FAM120B: variants seen among roughly 807,000 people sequenced by gnomAD.
The protein encoded by FAM120B is family with sequence similarity 120 member B.
FAM120B carries 83 observed loss-of-function variants against 96.3 expected under a neutral mutation model. That is an observed-to-expected ratio of 0.86 (90% CI 0.72 to 1.03). The LOEUF (loss-of-function observed/expected upper bound fraction) is 1.03, where lower values mean the gene tolerates loss of function less well. Among genes scored for constraint, FAM120B ranks in the 50% least tolerant of loss-of-function variants. FAM120B has a pLI of 0.00. For missense variants in FAM120B, 1,027 were observed against 1,121.2 expected (o/e 0.92, Z 1.20); for synonymous variants, 407 against 402.7 (o/e 1.01, Z -0.13).
intron 4 of FAM120B, among the ~76,000 whole-genome samples, chr6:170,341,454 A>C (rs1786823074): frequency 6.6e-6 from 1 of 152,242 alleles, no homozygotes; most frequent in South Asian, 2.1e-4. Context: ...GGACCCGCTG[A>C]GTGAGACCAC....
At position 170,310,146 on chromosome 6, in the gene FAM120B, G is replaced by A. The variant is rs1784503658; in HGVS notation, c.-22+3304G>A. On this transcript the variant is annotated intron_variant, in intron 1 of 10. Coordinates refer to ENST00000476287, the MANE Select transcript of FAM120B (RefSeq NM_032448.3). ...GCTAATTGTTAGAACTGATTAGAAA[G>A]GTAGTCCGTAGATGATAATAAAAGC... Among the ~76,000 whole-genome samples the A allele has an allele frequency of 2.6e-5, 4 of 152,198 alleles. 1 individual carries two copies. In the South Asian group the frequency reaches 8.3e-4, roughly 32 times the overall value.
intron 6 of FAM120B, among the ~76,000 whole-genome samples, chr6:170,362,656 TA>T (rs776740732): frequency 3.3e-5 from 5 of 151,900 alleles, no homozygotes; most frequent in Non-Finnish European, 7.4e-5. Flanking sequence ...GGTGCAATAA[TA>T]ATAATAATTT....
rs551097910 is a variant in FAM120B at position 170,340,712 on chromosome 6, CTTTG to C, written c.2018-7432_2018-7429del. On this transcript the variant is annotated intron_variant, in intron 4 of 10. Coordinates refer to ENST00000476287, the MANE Select transcript of FAM120B (RefSeq NM_032448.3). The stretch of plus-strand genomic sequence containing the variant: ...CTTTTTGTTAATGTTGATGCTGTTA[CTTTG>C]TTTGTTAGTTTTTCTTCCAACTGGC... 3.4e-3 allele frequency among the ~76,000 whole-genome samples: 524 copies of C among 152,214 alleles called. 2 individuals carry two copies. Among genetic ancestry groups the C allele is most frequent in the African/African-American group, 0.012 (496 of 41,534 alleles).
At chr6:170,362,452 C>T (rs1788518341) in intron 6 of FAM120B, among the ~76,000 whole-genome samples, 1 of 152,206 alleles carries the variant, frequency 6.6e-6, no homozygotes, top group African/African-American at 2.4e-5. Context: ...ACCTGCCACT[C>T]TCCCAGTGTT....
At chr6:170,298,168 A>C (rs1436197360) in intron 1 of FAM120B, 2 of 152,200 alleles carry the variant, frequency 1.3e-5, no homozygotes, top group African/African-American at 4.8e-5. Context: ...CTTCCATTGT[A>C]ATATGAATGG....
chr6:170,346,409 G>A (rs1018307905), intron 4 of FAM120B, among the ~76,000 whole-genome samples: 2 of 152,048 alleles, frequency 1.3e-5, no homozygotes, highest in East Asian at 3.8e-4. Flanking sequence ...ATACTTTCCT[G>A]TCTGAATTGT....
At chr6:170,399,595 G>C (rs2115340821) in intron 9 of FAM120B, among the ~76,000 whole-genome samples, 1 of 150,288 alleles carries the variant, frequency 6.7e-6, no homozygotes, top group Non-Finnish European at 1.5e-5. Flanking sequence ...CCTTAGGAGT[G>C]AGTGAGGAAG....
At position 170,318,312 on chromosome 6, in the gene FAM120B, G is replaced by C. The variant is rs534794098; in HGVS notation, c.922G>C (p.Gly308Arg). The C allele has an allele frequency of 1.2e-6, 2 of 1,614,088 alleles. No individual in the cohort carries two copies. The highest frequency in any genetic ancestry group is 2.2e-5 in the East Asian group (1 of 44,884). Reference sequence around the variant, plus strand: ...AGGAATGGCATCATATCTTTTACCAGGACAAAAATCTCCATGGTTTTTCCA... The same window carrying C: ...AGGAATGGCATCATATCTTTTACCACGACAAAAATCTCCATGGTTTTTCCA... ...YKGMASYLLP[G>R]QKSPWFFQKP... The change falls in exon 2 of 11, where the codon GGA (glycine) becomes CGA (arginine). Residue 308 changes from glycine (G) to arginine (R), a missense_variant. Physicochemically the swap from Gly to Arg is moderately radical, Grantham distance 125. This residue lies in a region of FAM120B where 880 missense variants were observed against 980.9 expected (regional missense o/e 0.90). Transcript: ENST00000476287.
At chr6:170,324,458 T>C (rs917607678) in intron 3 of FAM120B, among the ~76,000 whole-genome samples, 13 of 152,350 alleles carry the variant, frequency 8.5e-5, no homozygotes, top group East Asian at 7.7e-4. Flanking sequence ...AATTTCTGTT[T>C]CTTATGTGCT....
chr6:170,341,119 C>T (rs532358313), intron 4 of FAM120B, among the ~76,000 whole-genome samples: 1 of 152,328 alleles, frequency 6.6e-6, no homozygotes, highest in South Asian at 2.1e-4. Flanking sequence ...GCCCCCTTCC[C>T]CCAGGTGCTC....
rs1426424633 is a variant in FAM120B, at chr6:170,404,946, C to G, written c.*195C>G. ...TGCAGAAGAGCTTTTGTTGGCTTCTCTCCCGAGCTTGTGCCTGATTCTGTG... is the reference window on the plus strand; with the variant it reads ...TGCAGAAGAGCTTTTGTTGGCTTCTGTCCCGAGCTTGTGCCTGATTCTGTG... On this transcript the variant is annotated 3_prime_UTR_variant, in exon 11 of 11. Transcript: ENST00000476287. 5 of 253,850 alleles carry G rather than the reference C, an allele frequency of 2.0e-5. No homozygotes were observed. Among genetic ancestry groups the G allele is most frequent in the Non-Finnish European group, 3.7e-5 (5 of 133,596 alleles). The allele number at this position is 253,850 out of a possible 1,614,324, so 15.7% of individuals were successfully genotyped here. A position where few individuals can be genotyped will look rare whatever the true frequency, so the allele number is the denominator to read the frequency against.
chr6:170,301,481 T>G (rs1194662489), intron 1 of FAM120B, among the ~76,000 whole-genome samples: 1 of 152,234 alleles, frequency 6.6e-6, no homozygotes, highest in Non-Finnish European at 1.5e-5. Context: ...CCCCACTGTT[T>G]TAGTGATTAA....
At chr6:170,335,977 T>C (rs1786395183) in intron 4 of FAM120B, among the ~76,000 whole-genome samples, 1 of 152,162 alleles carries the variant, frequency 6.6e-6, no homozygotes, top group South Asian at 2.1e-4. Flanking sequence ...ATTGCAAAAA[T>C]TTTCCCCCAT....
At chr6:170,390,971 A>T in intron 7 of FAM120B, 42 bp from the exon 8 acceptor site, 1 of 1,552,056 alleles carries the variant, frequency 6.4e-7, no homozygotes, top group Non-Finnish European at 8.9e-7. Context: ...ACTTTGCCAC[A>T]TCTGGCCCCT....
intron 6 of FAM120B, among the ~76,000 whole-genome samples, chr6:170,362,684 C>CTT (rs759098041): frequency 6.1e-4 from 85 of 139,800 alleles, no homozygotes; most frequent in African/African-American, 2.2e-3. Context: ...TTTCTTTTTT[C>CTT]TTTTTTTTTT....
chr6:170,338,011 T>A (rs1179750992), intron 4 of FAM120B, among the ~76,000 whole-genome samples: 1 of 152,166 alleles, frequency 6.6e-6, no homozygotes, highest in Non-Finnish European at 1.5e-5. Context: ...TTTGAAGGGT[T>A]TTTCATGTCT....
At chr6:170,330,326 C>A in intron 3 of FAM120B, 123 bp from the exon 4 acceptor site, 1 of 647,856 alleles carries the variant, frequency 1.5e-6, no homozygotes, top group Non-Finnish European at 2.8e-6. Context: ...TAAGGTTACT[C>A]AGTCACCTTG....
chr6:170,383,402 A>C (rs1193067583), intron 6 of FAM120B, among the ~76,000 whole-genome samples: 1 of 152,228 alleles, frequency 6.6e-6, no homozygotes, highest in African/African-American at 2.4e-5. Flanking sequence ...AATACTTGCA[A>C]ACCTCCTGTC....
At chr6:170,392,270 C>T (rs759032705) in intron 8 of FAM120B, among the ~76,000 whole-genome samples, 1 of 152,006 alleles carries the variant, frequency 6.6e-6, no homozygotes, top group Non-Finnish European at 1.5e-5. Flanking sequence ...TGCAGTGGCT[C>T]GATCTCGGCT....
Sources: allele counts gnomAD v4.1 joint callset (sites outside exome capture counted in the v4.1 genomes callset), GRCh38; gene constraint gnomAD v4.1.1; regional missense constraint gnomAD v4.1.1; transcripts MANE v1.5; gene names NCBI Gene and HGNC (gene_info 2026-07-23, HGNC 2026-07-21).